Variants in RBM27 observed in about 807,000 individuals in gnomAD.
The protein encoded by RBM27 is RNA-binding protein 27.
Under a neutral mutation model 135.3 loss-of-function variants are expected in RBM27, and 22 were observed. The observed-to-expected ratio is 0.16, with a 90% CI of 0.12 to 0.23. The LOEUF is 0.23. Ranked by LOEUF, RBM27 falls within the 10% of genes least tolerant of loss-of-function variation. RBM27 has a pLI of 1.00. For missense variants in RBM27, 1,009 were observed against 1,281.0 expected (o/e 0.79, Z 3.24); for synonymous variants, 481 against 442.4 (o/e 1.09, Z -1.10).
rs767079057 is a variant in RBM27, at chr5:146,223,537, AT to A, written c.303+16del. 4.4e-6 allele frequency: 7 copies of A among 1,591,874 alleles called. No homozygotes were observed. Among genetic ancestry groups the A allele is most frequent in the Admixed American group, 1.9e-5 (1 of 53,744 alleles). ...AGAAATTAAAGAAGAGGTAATGCAA[AT>A]TTTTTCTCCTGCTTTTGGGGGCTTC... is the stretch of plus-strand genomic sequence containing the variant. On this transcript the variant is annotated intron_variant, in intron 3 of 20. Transcript: ENST00000265271.
Position 146,223,260 on chromosome 5 carries a change from A to G in RBM27, c.179-143A>G, listed in dbSNP as rs1756532810. The G allele has an allele frequency of 1.7e-5, 9 of 516,926 alleles. No homozygotes were observed. The East Asian group carries it at 2.9e-4, about 17-fold the overall frequency. 32.0% of individuals were successfully genotyped at this position (516,926 alleles called of 1,614,324 possible). A position where few individuals can be genotyped will look rare whatever the true frequency, so the allele number is the denominator to read the frequency against. On this transcript the variant is annotated intron_variant, in intron 2 of 20. Transcript: ENST00000265271. ...AAGGATTTAAAAACCTGAAAGTGGG[A>G]TTCTCTTCCATAAGGTAGGACTCAT...
rs1215374047 is a variant in RBM27 at position 146,211,247 on chromosome 5, TCCA to T, written c.59+7424_59+7426del. Among the ~76,000 whole-genome samples the T allele has an allele frequency of 2.6e-5, 4 of 152,228 alleles. No homozygotes were observed. The East Asian group carries it at 7.7e-4, about 29-fold the overall frequency. On this transcript the variant is annotated intron_variant, in intron 1 of 20. Coordinates refer to ENST00000265271, the MANE Select transcript of RBM27 (RefSeq NM_018989.2). ...GTGAGCTATGATCAAGCCACTGTACTCCAGCCTGGGCAACAGAATGAGACCCTG... is the reference window on the plus strand; with the variant it reads ...GTGAGCTATGATCAAGCCACTGTACTGCCTGGGCAACAGAATGAGACCCTG...
chr5:146,253,217 C>T (rs1173419738), intron 9 of RBM27, among the ~76,000 whole-genome samples: 3 of 151,972 alleles, frequency 2.0e-5, no homozygotes, highest in African/African-American at 4.8e-5. Flanking sequence ...AGGCTGGTCT[C>T]GAACTCCTGA....
At position 146,269,575 on chromosome 5, in the gene RBM27, A is replaced by G. The variant is rs768105041; in HGVS notation, c.2682A>G (p.Thr894=). ...TCTCCACACCATCTAAAGTGAAGAC[A>G]AAAACGGAGGTATCTATTTGCATTT... ...SAVSTPSKVK[T]KTEAQKELLD... is the part of the protein sequence containing the mutation. The change falls in exon 17 of 21, where the codon ACA becomes ACG. Residue 894 remains threonine, a synonymous_variant. Transcript: ENST00000265271. 1.3e-6 allele frequency: 2 copies of G among 1,537,494 alleles called. No individual in the cohort carries two copies. Among genetic ancestry groups the G allele is most frequent in the Admixed American group, 2.4e-5 (1 of 41,552 alleles).
At chr5:146,255,152 T>C in intron 10 of RBM27, 60 bp downstream of exon 10, 2 of 1,454,524 alleles carry the variant, frequency 1.4e-6, no homozygotes, top group Admixed American at 2.0e-5. Context: ...GATATAGTTA[T>C]TACATTTGCA....
At chr5:146,279,217 A>G (rs1759224376) in intron 19 of RBM27, among the ~76,000 whole-genome samples, 1 of 151,716 alleles carries the variant, frequency 6.6e-6, no homozygotes, top group Admixed American at 6.6e-5. Context: ...TGGGAGCCCC[A>G]GGTGGGTGGA....
chr5:146,250,667 A>G (rs1000290645), intron 8 of RBM27, among the ~76,000 whole-genome samples: 8 of 151,282 alleles, frequency 5.3e-5, no homozygotes, highest in African/African-American at 1.9e-4. Context: ...TAGCCTATAT[A>G]TAAATCCTAA....
chr5:146,237,571 G>C (rs1423196458), intron 8 of RBM27, 139 bp downstream of exon 8: 5 of 1,011,088 alleles, frequency 4.9e-6, no homozygotes, highest in Non-Finnish European at 7.2e-6. Flanking sequence ...TTACAATACA[G>C]TTTATCGTGT....
chr5:146,230,213 G>A (rs545605302), intron 5 of RBM27, among the ~76,000 whole-genome samples: 2 of 152,260 alleles, frequency 1.3e-5, no homozygotes, highest in East Asian at 3.9e-4. Flanking sequence ...GTGAGGAAGA[G>A]GGTTGCCTGC....
In RBM27 at chr5:146,219,021, T is replaced by C. The variant is rs755393174; in HGVS notation, c.96T>C (p.Val32=). The C allele has an allele frequency of 6.2e-7, 1 of 1,613,374 alleles. No individual in the cohort carries two copies. Among genetic ancestry groups the C allele is most frequent in the Non-Finnish European group, 8.5e-7 (1 of 1,179,746 alleles). ...DADPSALANY[V]VALVKKDKPE... is the part of the protein sequence containing the mutation. ...ATCCTTCAGCCTTAGCCAACTATGT[T>C]GTAGCACTGGTCAAGAAGGACAAAC... The change falls in exon 2 of 21, where the codon GTT becomes GTC. Residue 32 remains valine (V), a synonymous_variant. Coordinates refer to ENST00000265271, the MANE Select transcript of RBM27 (RefSeq NM_018989.2).
intron 6 of RBM27, among the ~76,000 whole-genome samples, chr5:146,232,923 T>A (rs1756999719): frequency 6.6e-6 from 1 of 152,198 alleles, no homozygotes; most frequent in Non-Finnish European, 1.5e-5. Context: ...TATTGATGTA[T>A]GTTTGGGATG....
At chr5:146,262,915 C>T (rs1315814991) in intron 13 of RBM27, among the ~76,000 whole-genome samples, 1 of 149,356 alleles carries the variant, frequency 6.7e-6, no homozygotes, top group Non-Finnish European at 1.5e-5. Context: ...TGAGACAGTC[C>T]TGCTTTGTCG....
intron 19 of RBM27, among the ~76,000 whole-genome samples, chr5:146,280,053 T>C (rs949597841): frequency 6.6e-6 from 1 of 151,158 alleles, no homozygotes; most frequent in African/African-American, 2.4e-5. Context: ...CTGGTATTCC[T>C]TTAATTTTTT....
intron 3 of RBM27, among the ~76,000 whole-genome samples, chr5:146,228,282 C>CTTTTT (rs1043361050): frequency 8.9e-5 from 10 of 111,850 alleles, no homozygotes; most frequent in African/African-American, 2.4e-4. Context: ...ACCATTCTTT[C>CTTTTT]TTTTTTTTTT....
At chr5:146,268,219 A>T (rs1352581638) in intron 15 of RBM27, among the ~76,000 whole-genome samples, 1 of 151,656 alleles carries the variant, frequency 6.6e-6, no homozygotes, top group Non-Finnish European at 1.5e-5. Context: ...TGAAATCCAT[A>T]GATTTTACTC....
chr5:146,239,472 C>CTTTTTTTTTTTTT (rs916182587), intron 8 of RBM27, among the ~76,000 whole-genome samples: 203 of 55,358 alleles, frequency 3.7e-3, no homozygotes, highest in African/African-American at 8.6e-3. Flanking sequence ...TTTTCCTTTT[C>CTTTTTTTTTTTTT]TTTTTTTTTT....
chr5:146,218,736 C>T (rs1214844791), intron 1 of RBM27, among the ~76,000 whole-genome samples: 1 of 152,082 alleles, frequency 6.6e-6, no homozygotes, highest in Non-Finnish European at 1.5e-5. Context: ...ATGTAGAGCT[C>T]GCCCAAGATC....
intron 6 of RBM27, among the ~76,000 whole-genome samples, chr5:146,231,411 C>A (rs1756926431): frequency 6.6e-6 from 1 of 151,288 alleles, no homozygotes; most frequent in African/African-American, 2.4e-5. Context: ...TGCCTATAGT[C>A]CAAATTTTGT....
intron 10 of RBM27, among the ~76,000 whole-genome samples, chr5:146,255,923 C>G (rs1758080531): frequency 6.6e-6 from 1 of 150,868 alleles, no homozygotes; most frequent in Non-Finnish European, 1.5e-5. Context: ...TGGCGTGATC[C>G]TGACTCACTG....
Sources: gnomAD v4.1 joint callset for allele counts (sites outside exome capture counted in the v4.1 genomes callset) on GRCh38, gnomAD v4.1.1 for gene constraint, MANE v1.5 for transcripts, NCBI Gene and HGNC (gene_info 2026-07-23, HGNC 2026-07-21) for gene names.